Variants in USP4 observed in about 807,000 individuals in gnomAD.
The protein encoded by USP4 is ubiquitin specific peptidase 4.
USP4 carries 72 observed loss-of-function variants against 118.2 expected under a neutral mutation model. That is an observed-to-expected ratio of 0.61 (90% CI 0.50 to 0.74). The LOEUF (loss-of-function observed/expected upper bound fraction) is 0.74. Among genes scored for constraint, USP4 ranks in the 30% least tolerant of loss-of-function variants. The probability of loss-of-function intolerance (pLI) is 0.00; values close to 1 mark genes in which losing one functional copy is unlikely to be tolerated. For missense variants in USP4, 1,037 were observed against 1,185.7 expected (o/e 0.87, Z 1.84); for synonymous variants, 415 against 440.4 (o/e 0.94, Z 0.72).
In USP4 at chr3:49,302,538, T is replaced by C. The variant is rs746114272; in HGVS notation, c.1133A>G (p.Gln378Arg). 5 of 1,613,342 alleles carry C rather than the reference T, an allele frequency of 3.1e-6. No individual in the cohort carries two copies. The highest frequency in any genetic ancestry group is 4.2e-6 in the Non-Finnish European group (5 of 1,179,800). ...AHVAPRMFKT[Q>R]VGRFAPQFSG... ...AAATTGAGGAGCAAAACGTCCTACTTGAGTCTACAACAAAAGCAACTGTAT... is the reference window on the plus strand; with the variant it reads ...AAATTGAGGAGCAAAACGTCCTACTCGAGTCTACAACAAAAGCAACTGTAT... The change falls in exon 10 of 22, where the codon CAA becomes CGA. Residue 378 changes from glutamine (Q) to arginine (R), a missense_variant. By Grantham distance (43) the Gln-to-Arg change is conservative. Coordinates refer to ENST00000265560, the MANE Select transcript of USP4 (RefSeq NM_003363.4).
chr3:49,328,371 C>A (rs558923267), intron 2 of USP4, among the ~76,000 whole-genome samples: 1 of 151,892 alleles, frequency 6.6e-6, no homozygotes, highest in Non-Finnish European at 1.5e-5. Context: ...ATAAATAAAT[C>A]ATACATGAGG....
intron 6 of USP4, among the ~76,000 whole-genome samples, chr3:49,323,811 G>A (rs909472332): frequency 7.9e-5 from 12 of 152,066 alleles, no homozygotes; most frequent in African/African-American, 2.4e-4. Flanking sequence ...ATACCATAAC[G>A]AAAATTAATC....
At chr3:49,283,806 T>C (rs2107765790) in intron 19 of USP4, among the ~76,000 whole-genome samples, 181 bp downstream of exon 19, 1 of 152,188 alleles carries the variant, frequency 6.6e-6, no homozygotes, top group Middle Eastern at 3.4e-3. Flanking sequence ...GAGAGTCTCT[T>C]CCCCAAAGAT....
Position 49,298,629 on chromosome 3 carries a change from C to A in USP4, c.1519G>T (p.Val507Leu), listed in dbSNP as rs1312803861. 1.2e-6 allele frequency: 2 copies of A among 1,614,036 alleles called. No homozygotes were observed. The highest frequency in any genetic ancestry group is 2.7e-5 in the African/African-American group (2 of 74,940). The change falls in exon 12 of 22, where the codon GTG (valine) becomes TTG (leucine). Residue 507 changes from valine (V) to leucine (L), a missense_variant. Val to Leu is a conservative substitution (Grantham distance 32). This residue lies in a region of USP4 where 522 missense variants were observed against 592.6 expected (regional missense o/e 0.88). Transcript: ENST00000265560. ...ACAGCCCCCATCAGCGGCACAGTCA[C>A]ACGGTACTGCAAGACAGAGATGGTC... ...DPHCRPTQYR[V>L]TVPLMGAVSD... is the part of the protein sequence containing the mutation.
At chr3:49,306,982 C>A (rs1341932803) in intron 8 of USP4, among the ~76,000 whole-genome samples, 1 of 151,740 alleles carries the variant, frequency 6.6e-6, no homozygotes, top group Non-Finnish European at 1.5e-5. Flanking sequence ...TGGGGTTTCT[C>A]CATGTTGGTC....
In USP4 at chr3:49,303,158, C is replaced by A. The variant is rs547755416; in HGVS notation, c.1129-616G>T. 4.6e-5 allele frequency among the ~76,000 whole-genome samples: 7 copies of A among 152,194 alleles called. No individual in the cohort carries two copies. In the East Asian group the frequency reaches 1.3e-3, roughly 29 times the overall value. On this transcript the variant is annotated intron_variant, in intron 9 of 21. Coordinates refer to ENST00000265560, the MANE Select transcript of USP4 (RefSeq NM_003363.4). ...GATTGTGATGCATCCTATGGAGAAC[C>A]AGCCAGGCACGGTGGCTCATGCCTA...
At chr3:49,330,923 C>A (rs2107803312) in intron 2 of USP4, among the ~76,000 whole-genome samples, 1 of 151,294 alleles carries the variant, frequency 6.6e-6, no homozygotes, top group South Asian at 2.1e-4. Context: ...GAGGCTGAGG[C>A]AGGAGAATCG....
rs752878001 is a variant in USP4 at position 49,297,885 on chromosome 3, C to T, written c.1676G>A (p.Arg559Gln). 41 of 1,613,862 alleles carry T rather than the reference C, an allele frequency of 2.5e-5. No homozygotes were observed. The South Asian group carries it at 3.7e-4, about 15-fold the overall frequency. The change falls in exon 13 of 22, where the codon CGG (arginine) becomes CAG (glutamine). Residue 559 changes from arginine (R) to glutamine (Q), a missense_variant. This residue lies in a region of USP4 where 522 missense variants were observed against 592.6 expected (regional missense o/e 0.88). Transcript: ENST00000265560. ...GAGTACTCACACGAAAATGTCATCCCGAGGCATGATGTGGTTTAAACCTTC... is the reference window on the plus strand; with the variant it reads ...GAGTACTCACACGAAAATGTCATCCTGAGGCATGATGTGGTTTAAACCTTC... ...MDEGLNHIMP[R>Q]DDIFVYEVCS...
At chr3:49,327,575 C>T (rs1445806669) in intron 3 of USP4, 111 bp downstream of exon 3, 11 of 1,189,904 alleles carry the variant, frequency 9.2e-6, no homozygotes, top group Non-Finnish European at 1.2e-5. Context: ...GCCTCAAGCA[C>T]CACTATTCAA....
At chr3:49,305,564 T>C (rs1194795756) in intron 9 of USP4, 151 bp downstream of exon 9, 3 of 575,076 alleles carry the variant, frequency 5.2e-6, no homozygotes, top group Non-Finnish European at 8.3e-6. Context: ...CACTGAAACA[T>C]TTTAGATTTT....
At chr3:49,287,630 G>A (rs1403421028) in intron 15 of USP4, among the ~76,000 whole-genome samples, 2 of 151,874 alleles carry the variant, frequency 1.3e-5, no homozygotes, top group East Asian at 1.9e-4. Context: ...GCACCACCAC[G>A]CCCAGCTAAT....
Position 49,278,155 on chromosome 3 carries a change from T to G in USP4, c.*138A>C. 1 of 848,958 alleles carries G rather than the reference T, an allele frequency of 1.2e-6. No individual in the cohort carries two copies. Among genetic ancestry groups the G allele is most frequent in the Non-Finnish European group, 1.6e-6 (1 of 606,954 alleles). The allele number at this position is 848,958 out of a possible 1,614,324, so 52.6% of individuals were successfully genotyped here. A position where few individuals can be genotyped will look rare whatever the true frequency, so the allele number is the denominator to read the frequency against. ...GTAAACGGTCTTCTTTTTTTTTTTT[T>G]GTTTCCTTCTGCTCATAAAAGAAGG... On this transcript the variant is annotated 3_prime_UTR_variant, in exon 22 of 22. Coordinates refer to ENST00000265560, the MANE Select transcript of USP4 (RefSeq NM_003363.4).
At chr3:49,292,703 T>C in intron 14 of USP4, 105 bp from the exon 15 acceptor site, 4 of 736,172 alleles carry the variant, frequency 5.4e-6, no homozygotes, top group Non-Finnish European at 8.8e-6. Flanking sequence ...ATATGGATGA[T>C]AGCTACTGAC....
Position 49,339,996 on chromosome 3 carries a change from C to T in USP4, c.29G>A (p.Arg10Gln), listed in dbSNP as rs757929395. 1.9e-6 allele frequency: 3 copies of T among 1,610,846 alleles called. No individual in the cohort carries two copies. The highest frequency in any genetic ancestry group is 2.7e-5 in the African/African-American group (2 of 74,932). Reference sequence around the variant, plus strand: ...GGACTTCTGAGTCTCCGCATCCGGTCGCTCACGGCAGCCTCCACCTTCCGC... The same window carrying T: ...GGACTTCTGAGTCTCCGCATCCGGTTGCTCACGGCAGCCTCCACCTTCCGC... MAEGGGCRERPDAETQKSEL... is the reference protein window; with the variant it reads MAEGGGCREQPDAETQKSEL... Residue 10 changes from arginine (R) to glutamine (Q), a missense_variant, in exon 1 of 22, where the codon CGA becomes CAA. Around this residue, in one of 3 missense-constraint regions of USP4, gnomAD observed 487 missense variants for 534.1 expected, o/e 0.91. Coordinates refer to ENST00000265560, the MANE Select transcript of USP4 (RefSeq NM_003363.4).
chr3:49,331,891 G>A (rs554078341), intron 2 of USP4, among the ~76,000 whole-genome samples: 50 of 150,996 alleles, frequency 3.3e-4, no homozygotes, highest in Non-Finnish European at 6.3e-4. Context: ...CCAGCACTTT[G>A]AGAAGTCAAG....
Position 49,277,441 on chromosome 3 carries a change from C to T in USP4, c.*852G>A, listed in dbSNP as rs2046975600. 1 of 275,242 alleles carries T rather than the reference C, an allele frequency of 3.6e-6. No individual in the cohort carries two copies. The highest frequency in any genetic ancestry group is 7.4e-6 in the Non-Finnish European group (1 of 135,934). The allele number at this position is 275,242 out of a possible 1,614,324, so 17.0% of individuals were successfully genotyped here. On this transcript the variant is annotated 3_prime_UTR_variant, in exon 22 of 22. Coordinates refer to ENST00000265560, the MANE Select transcript of USP4 (RefSeq NM_003363.4). Reference sequence around the variant, plus strand: ...GTTCTAGAAAGCATCTGGGTAACACCAAAATGTATTACTACCCTAAATCGC... The same window carrying T: ...GTTCTAGAAAGCATCTGGGTAACACTAAAATGTATTACTACCCTAAATCGC...
At chr3:49,318,217 C>T in intron 6 of USP4, 1 of 590,206 alleles carries the variant, frequency 1.7e-6, no homozygotes, top group Middle Eastern at 8.7e-4. Context: ...AATCTTCCCA[C>T]ATCAGCCTCT....
At position 49,335,531 on chromosome 3, in the gene USP4, A is replaced by G. The variant is rs754749820; in HGVS notation, c.167T>C (p.Met56Thr). ...TAGGTTATGTTCACCCACATTGTAC[A>G]TGTCCCAGCTGTCAAAGCCCACATA... Reference protein sequence around the residue: ...KKYVGFDSWDMYNVGEHNLFP... With the variant: ...KKYVGFDSWDTYNVGEHNLFP... Residue 56 changes from methionine (M) to threonine (T), a missense_variant, in exon 2 of 22, where the codon ATG becomes ACG. Coordinates refer to ENST00000265560, the MANE Select transcript of USP4 (RefSeq NM_003363.4). 6 of 1,614,114 alleles carry G rather than the reference A, an allele frequency of 3.7e-6. No homozygotes were observed. In the Admixed American group the frequency reaches 1.0e-4, roughly 27 times the overall value.
intron 15 of USP4, among the ~76,000 whole-genome samples, chr3:49,289,741 G>A (rs2047132494): frequency 6.6e-6 from 1 of 151,816 alleles, no homozygotes; most frequent in African/African-American, 2.4e-5. Context: ...CATGGTGGTG[G>A]GCGCCTATAA....
Sources: allele counts gnomAD v4.1 joint callset (sites outside exome capture counted in the v4.1 genomes callset), GRCh38; gene constraint gnomAD v4.1.1; regional missense constraint gnomAD v4.1.1; transcripts MANE v1.5; gene names NCBI Gene and HGNC (gene_info 2026-07-23, HGNC 2026-07-21).